The following P4HA2 variants were observed in gnomAD, a reference collection of about 807,000 sequenced individuals.
P4HA2 encodes prolyl 4-hydroxylase subunit alpha 2, also known as prolyl 4-hydroxylase subunit alpha-2.
A neutral mutation model predicts 76.9 loss-of-function variants in P4HA2; 46 were observed. The ratio of observed to expected loss-of-function variants is 0.60; its 90% CI spans 0.47 to 0.76. The LOEUF is 0.76. P4HA2 is among the 30% of genes least tolerant of loss of function. The pLI is 0.00. For synonymous variants in P4HA2, 243 were observed against 254.0 expected, an observed-to-expected ratio of 0.96 and a Z score of 0.41; for missense variants, 583 against 669.4, an observed-to-expected ratio of 0.87 and a Z score of 1.42.
intron 14 of P4HA2, among the ~76,000 whole-genome samples, chr5:132,194,234 T>G (rs959131045): frequency 5.3e-5 from 8 of 152,220 alleles, no homozygotes; most frequent in Non-Finnish European, 1.2e-4. Flanking sequence ...TACATTTCCT[T>G]TCTTGTACAA....
rs116353295 is a variant in P4HA2 at position 132,221,551 on chromosome 5, G to A, written c.-18-2907C>T. Among the ~76,000 whole-genome samples, 410 of 152,174 alleles carry A rather than the reference G, an allele frequency of 2.7e-3. 3 individuals are homozygous for A. The highest frequency in any genetic ancestry group is 9.6e-3 in the African/African-American group (397 of 41,514). ...AAGCATACTGTTAAGTGAGAAAAGT[G>A]GGCCCCAATAATATGCACTCTATAA... is the stretch of plus-strand genomic sequence containing the variant. On this transcript the variant is annotated intron_variant, in intron 1 of 14. Coordinates refer to ENST00000360568, the MANE Select transcript of P4HA2 (RefSeq NM_001017974.2).
chr5:132,198,733 G>T (rs1206631057), intron 11 of P4HA2, 146 bp downstream of exon 11: 1 of 661,812 alleles, frequency 1.5e-6, no homozygotes, highest in Non-Finnish European at 2.7e-6. Context: ...CACCAGTAAC[G>T]AAGAGTTTCC....
intron 1 of P4HA2, among the ~76,000 whole-genome samples, chr5:132,224,528 G>C (rs1452563596): frequency 6.6e-6 from 1 of 152,248 alleles, no homozygotes; most frequent in Non-Finnish European, 1.5e-5. Context: ...CTAGGGAACA[G>C]TGAAGATGCA....
intron 7 of P4HA2, 115 bp downstream of exon 7, chr5:132,209,023 G>T: frequency 1.4e-6 from 1 of 728,106 alleles, no homozygotes; most frequent in Non-Finnish European, 2.3e-6. Flanking sequence ...GAAAAACTGG[G>T]GGATATACTG....
intron 1 of P4HA2, among the ~76,000 whole-genome samples, chr5:132,224,170 A>G (rs1427809898): frequency 1.3e-5 from 2 of 152,248 alleles, no homozygotes; most frequent in Admixed American, 6.5e-5. Context: ...CAGCCAGTCC[A>G]GCTCAGGGCA....
At chr5:132,193,152 G>A in intron 14 of P4HA2, 72 bp from the exon 15 acceptor site, 1 of 992,818 alleles carries the variant, frequency 1.0e-6, no homozygotes, top group Non-Finnish European at 1.6e-6. Context: ...ACTCCTTCAT[G>A]ATGACCCCCT....
chr5:132,208,396 AGGGG>A (rs1306689117), intron 7 of P4HA2, among the ~76,000 whole-genome samples: 10 of 8,962 alleles, frequency 1.1e-3, no homozygotes, highest in Admixed American at 2.8e-3. Flanking sequence ...GGGGGAGGGG[AGGGG>A]GAGGGGAGGG....
At chr5:132,209,361 G>A (rs1302072818) in intron 6 of P4HA2, 30 bp from the exon 7 acceptor site, 1 of 1,565,308 alleles carries the variant, frequency 6.4e-7, no homozygotes, top group Non-Finnish European at 8.8e-7. Flanking sequence ...AGAAGGAAAA[G>A]GAAACCACAA....
intron 4 of P4HA2, 50 bp downstream of exon 4, chr5:132,217,147 G>A (rs754909977): frequency 1.3e-6 from 2 of 1,574,052 alleles, no homozygotes; most frequent in African/African-American, 1.3e-5. Context: ...ACCCAGGCAT[G>A]AGCACACAAA....
intron 12 of P4HA2, among the ~76,000 whole-genome samples, chr5:132,197,617 A>G (rs1359994932): frequency 6.7e-6 from 1 of 150,050 alleles, no homozygotes; most frequent in Admixed American, 6.6e-5. Flanking sequence ...CCAAAAAAAA[A>G]AAAAAAAAAA....
intron 10 of P4HA2, chr5:132,203,223 A>G (rs1751756777): frequency 6.4e-6 from 1 of 156,072 alleles, no homozygotes; most frequent in African/African-American, 2.4e-5. Flanking sequence ...TGTGGACTGA[A>G]GACCCAGGGG....
chr5:132,196,599 GC>G (rs1750677007), intron 12 of P4HA2, among the ~76,000 whole-genome samples: 2 of 152,134 alleles, frequency 1.3e-5, no homozygotes, highest in African/African-American at 4.8e-5. Flanking sequence ...GGTGGCTCAC[GC>G]CTGTAATGCC....
intron 12 of P4HA2, among the ~76,000 whole-genome samples, chr5:132,196,183 G>A (rs771266273): frequency 9.2e-5 from 14 of 152,120 alleles, no homozygotes; most frequent in Non-Finnish European, 1.6e-4. Flanking sequence ...AAAAATTGGA[G>A]GTAAAAAATA....
At chr5:132,208,784 A>T (rs1192328695) in intron 7 of P4HA2, among the ~76,000 whole-genome samples, 1 of 151,932 alleles carries the variant, frequency 6.6e-6, no homozygotes, top group Non-Finnish European at 1.5e-5. Flanking sequence ...TGTCTTTACC[A>T]CAGAGACTTA....
At chr5:132,226,770 C>A (rs933760213) in intron 1 of P4HA2, 2 of 152,448 alleles carry the variant, frequency 1.3e-5, no homozygotes, top group Non-Finnish European at 2.9e-5. Flanking sequence ...AACTGGGCAT[C>A]TTACACATGC....
Position 132,191,153 on chromosome 5 carries a change from G to A in P4HA2, c.*1857C>T, listed in dbSNP as rs1487114158. Among the ~76,000 whole-genome samples the A allele has an allele frequency of 1.3e-5, 2 of 152,182 alleles. No homozygotes were observed. Among genetic ancestry groups the A allele is most frequent in the Non-Finnish European group, 2.9e-5 (2 of 68,040 alleles). ...TCATAAGGGCACTAATCCCACTCAC[G>A]TGGGCTCCATGCTTACGACCTCCCA... On this transcript the variant is annotated 3_prime_UTR_variant, in exon 15 of 15. Transcript: ENST00000360568.
Position 132,192,808 on chromosome 5 carries a change from G to C in P4HA2, c.*202C>G. 1 of 538,154 alleles carries C rather than the reference G, an allele frequency of 1.9e-6. No homozygotes were observed. Among genetic ancestry groups the C allele is most frequent in the Non-Finnish European group, 3.3e-6 (1 of 300,500 alleles). 33.3% of individuals were successfully genotyped at this position (538,154 alleles called of 1,614,324 possible). On this transcript the variant is annotated 3_prime_UTR_variant, in exon 15 of 15. Transcript: ENST00000360568. Reference sequence around the variant, plus strand: ...TGCAGCCACTTTGATCCTAGCCTTGGGGCCAGGGATGGCACAGGCTGAATG... The same window carrying C: ...TGCAGCCACTTTGATCCTAGCCTTGCGGCCAGGGATGGCACAGGCTGAATG...
intron 12 of P4HA2, chr5:132,195,725 C>T (rs1167624090): frequency 5.3e-6 from 3 of 563,292 alleles, no homozygotes; most frequent in Non-Finnish European, 9.5e-6. Flanking sequence ...AGGAGACCCA[C>T]ATCCGGGCTG....
In P4HA2 at chr5:132,190,174, C is replaced by A. The variant is rs116354249; in HGVS notation, c.*2836G>T. On this transcript the variant is annotated 3_prime_UTR_variant, in exon 15 of 15. Transcript: ENST00000360568. ...AAAGAAAAAATCATTTAATTTTCCA[C>A]AATTGATTAAGGATACCATTGTACA... 3.2e-4 allele frequency among the ~76,000 whole-genome samples: 49 copies of A among 152,288 alleles called. No individual in the cohort carries two copies. The highest frequency in any genetic ancestry group is 1.1e-3 in the African/African-American group (46 of 41,560).
Sources: allele counts gnomAD v4.1 joint callset (sites outside exome capture counted in the v4.1 genomes callset), GRCh38; gene constraint gnomAD v4.1.1; transcripts MANE v1.5; gene names NCBI Gene and HGNC (gene_info 2026-07-23, HGNC 2026-07-21).